MOB3B: variants seen among roughly 807,000 people sequenced by gnomAD.
The protein encoded by MOB3B is MOB kinase activator 3B.
MOB3B carries 7 observed loss-of-function variants against 18.7 expected under a neutral mutation model. That is an observed-to-expected ratio of 0.37 (90% CI 0.21 to 0.70). The LOEUF is 0.70. MOB3B is among the 30% of genes least tolerant of loss of function. The probability of loss-of-function intolerance (pLI) is 0.52; values close to 1 mark genes in which losing one functional copy is unlikely to be tolerated. For missense variants in MOB3B, 253 were observed against 281.3 expected (o/e 0.90, Z 0.72); for synonymous variants, 111 against 99.9 (o/e 1.11, Z -0.66).
At chr9:27,394,941 G>A (rs184657026) in intron 2 of MOB3B, among the ~76,000 whole-genome samples, 92 of 152,324 alleles carry the variant, frequency 6.0e-4, no homozygotes, top group African/African-American at 2.0e-3. Context: ...GTGGCTGTGA[G>A]CCAGCAGCTC....
intron 1 of MOB3B, among the ~76,000 whole-genome samples, chr9:27,528,169 T>G (rs1286075020): frequency 6.6e-6 from 1 of 152,242 alleles, no homozygotes; most frequent in Non-Finnish European, 1.5e-5. Context: ...GTCATAAGGC[T>G]TCCTCGTTAT....
intron 2 of MOB3B, among the ~76,000 whole-genome samples, chr9:27,406,044 A>T (rs2131397186): frequency 6.6e-6 from 1 of 152,340 alleles, no homozygotes; most frequent in East Asian, 1.9e-4. Context: ...CATCACTTTT[A>T]CTCAACAGAG....
At position 27,356,461 on chromosome 9, in the gene MOB3B, T is replaced by C. The variant is rs896821557; in HGVS notation, c.621+2573A>G. Among the ~76,000 whole-genome samples the C allele has an allele frequency of 4.6e-5, 7 of 152,236 alleles. No homozygotes were observed. In the East Asian group the frequency reaches 5.8e-4, roughly 13 times the overall value. On this transcript the variant is annotated intron_variant, in intron 3 of 3. Coordinates refer to ENST00000262244, the MANE Select transcript of MOB3B (RefSeq NM_024761.5). Reference sequence around the variant, plus strand: ...AGTTCCTGGCACTGCCTTGGAGCCCTTTCTTCAATTATAGAAAATAACTGA... The same window carrying C: ...AGTTCCTGGCACTGCCTTGGAGCCCCTTCTTCAATTATAGAAAATAACTGA...
intron 1 of MOB3B, among the ~76,000 whole-genome samples, chr9:27,493,798 C>A (rs1222169014): frequency 6.6e-6 from 1 of 152,042 alleles, no homozygotes; most frequent in Non-Finnish European, 1.5e-5. Context: ...ACAAATTGTA[C>A]AGCATGTGTG....
intron 1 of MOB3B, among the ~76,000 whole-genome samples, chr9:27,506,050 G>A (rs1820054271): frequency 6.6e-6 from 1 of 152,198 alleles, no homozygotes; most frequent in African/African-American, 2.4e-5. Flanking sequence ...TAGCAAATGA[G>A]GTGCTGTTAT....
At chr9:27,477,498 T>C (rs767404455) in intron 1 of MOB3B, among the ~76,000 whole-genome samples, 1 of 152,258 alleles carries the variant, frequency 6.6e-6, no homozygotes, top group Non-Finnish European at 1.5e-5. Context: ...CCCATGAGAA[T>C]GTAAACTATA....
intron 2 of MOB3B, among the ~76,000 whole-genome samples, chr9:27,447,402 T>A (rs963934973): frequency 1.3e-5 from 2 of 152,224 alleles, no homozygotes; most frequent in African/African-American, 4.8e-5. Flanking sequence ...AAGCAGCAGA[T>A]GCCCCCATCC....
chr9:27,524,690 T>C, intron 1 of MOB3B: 1 of 1,613,874 alleles, frequency 6.2e-7, no homozygotes, highest in Non-Finnish European at 8.5e-7. Flanking sequence ...AAATAGGACT[T>C]GATCAGCAAG....
chr9:27,378,763 G>T (rs1349789706), intron 2 of MOB3B: 1 of 445,980 alleles, frequency 2.2e-6, no homozygotes, highest in Non-Finnish European at 4.7e-6. Context: ...GGAAATGAAG[G>T]TCTTATCACA....
At chr9:27,443,877 C>T (rs1241379493) in intron 2 of MOB3B, among the ~76,000 whole-genome samples, 1 of 152,098 alleles carries the variant, frequency 6.6e-6, no homozygotes, top group African/African-American at 2.4e-5. Context: ...TCTCCTTGGG[C>T]TGTCAATAAT....
intron 2 of MOB3B, among the ~76,000 whole-genome samples, chr9:27,450,713 CCAGA>C (rs1259494759): frequency 2.0e-5 from 3 of 152,088 alleles, no homozygotes; most frequent in Middle Eastern, 3.2e-3. Context: ...AGATTTCTGG[CCAGA>C]CACTCATGAG....
chr9:27,469,267 T>C (rs1367547547), intron 1 of MOB3B, among the ~76,000 whole-genome samples: 1 of 152,046 alleles, frequency 6.6e-6, no homozygotes, highest in Non-Finnish European at 1.5e-5. Context: ...AGTGCCTGGC[T>C]GGGAATTTTT....
chr9:27,494,227 A>G (rs1049032298), intron 1 of MOB3B, among the ~76,000 whole-genome samples: 1 of 152,200 alleles, frequency 6.6e-6, no homozygotes, highest in Non-Finnish European at 1.5e-5. Flanking sequence ...CCGAAACTTC[A>G]TTAGCAATTT....
intron 1 of MOB3B, among the ~76,000 whole-genome samples, chr9:27,501,734 C>A (rs113806368): frequency 6.9e-6 from 1 of 145,726 alleles, no homozygotes; most frequent in African/African-American, 2.6e-5. Flanking sequence ...CCCACTGCAC[C>A]GTAGTCTGGG....
At chr9:27,399,896 C>T (rs1438965706) in intron 2 of MOB3B, among the ~76,000 whole-genome samples, 1 of 152,164 alleles carries the variant, frequency 6.6e-6, no homozygotes, top group Non-Finnish European at 1.5e-5. Context: ...TGGAGGAAGA[C>T]CTTCAAACCC....
intron 1 of MOB3B, among the ~76,000 whole-genome samples, chr9:27,462,143 A>G (rs1264992995): frequency 6.6e-6 from 1 of 152,248 alleles, no homozygotes; most frequent in African/African-American, 2.4e-5. Context: ...AAATTATTAC[A>G]GGATAAAAGC....
chr9:27,408,175 T>C (rs1822015112), intron 2 of MOB3B, among the ~76,000 whole-genome samples: 1 of 152,208 alleles, frequency 6.6e-6, no homozygotes, highest in Non-Finnish European at 1.5e-5. Context: ...GTTGACTTTT[T>C]ACCCCATGAA....
At chr9:27,365,527 C>A (rs1821331817) in intron 2 of MOB3B, among the ~76,000 whole-genome samples, 1 of 152,050 alleles carries the variant, frequency 6.6e-6, no homozygotes, top group Non-Finnish European at 1.5e-5. Context: ...TCCAGACAAA[C>A]CATCAGCAAT....
chr9:27,423,169 G>T lies in MOB3B; in HGVS notation c.418+31964C>A, dbSNP rs765516443. ...TGGCCTTGCCTGTGACTCGGGTTCA[G>T]TCATTTTACTACATTGGGCTTCAGT... On this transcript the variant is annotated intron_variant, in intron 2 of 3. Coordinates refer to ENST00000262244, the MANE Select transcript of MOB3B (RefSeq NM_024761.5). Among the ~76,000 whole-genome samples, 10 of 152,150 alleles carry T rather than the reference G, an allele frequency of 6.6e-5. 1 individual carries two copies. The highest frequency in any genetic ancestry group is 1.3e-4 in the Admixed American group (2 of 15,278).
Sources: allele counts gnomAD v4.1 joint callset (sites outside exome capture counted in the v4.1 genomes callset), GRCh38; gene constraint gnomAD v4.1.1; transcripts MANE v1.5; gene names NCBI Gene and HGNC (gene_info 2026-07-23, HGNC 2026-07-21).